The following CDC20B variants were observed in gnomAD, a reference collection of about 807,000 sequenced individuals.
CDC20B encodes the protein cell division cycle protein 20 homolog B.
In CDC20B, 58 loss-of-function variants were observed where a neutral mutation model predicts 64.1. That is an observed-to-expected ratio of 0.90 (90% CI 0.73 to 1.13). CDC20B has a LOEUF of 1.13. Ranked by LOEUF, CDC20B falls within the 50% of genes most tolerant of loss-of-function variation. CDC20B has a pLI of 0.00. For missense variants in CDC20B, 597 were observed against 633.0 expected, an observed-to-expected ratio of 0.94 and a Z score of 0.61; for synonymous variants, 243 against 230.6, an observed-to-expected ratio of 1.05 and a Z score of -0.49.
intron 2 of CDC20B, among the ~76,000 whole-genome samples, chr5:55,148,480 G>A (rs1470350693): frequency 2.0e-5 from 3 of 152,232 alleles, no homozygotes; most frequent in African/African-American, 7.2e-5. Flanking sequence ...TTGTGAGGCT[G>A]AGGCAGGCAG....
chr5:55,167,847 G>C (rs1403072131), intron 2 of CDC20B, among the ~76,000 whole-genome samples: 1 of 152,116 alleles, frequency 6.6e-6, no homozygotes, highest in African/African-American at 2.4e-5. Flanking sequence ...CTGGGCAACA[G>C]AGCGAGACCC....
At chr5:55,141,889 C>G (rs1043443218) in intron 4 of CDC20B, among the ~76,000 whole-genome samples, 5 of 152,144 alleles carry the variant, frequency 3.3e-5, no homozygotes, top group Admixed American at 2.0e-4. Context: ...ATGCTCTCCC[C>G]CTGAGTTGTA....
chr5:55,158,173 C>A (rs6894744), intron 2 of CDC20B, among the ~76,000 whole-genome samples: 24,472 of 151,966 alleles, frequency 0.16, 2,069 homozygotes, highest in East Asian at 0.25. Flanking sequence ...GGGTGGGGCC[C>A]AAAATGCTGT....
intron 2 of CDC20B, among the ~76,000 whole-genome samples, chr5:55,153,300 T>C (rs1743722882): frequency 6.7e-6 from 1 of 149,770 alleles, no homozygotes; most frequent in African/African-American, 2.5e-5. Context: ...AAATAAACAT[T>C]TCTGCAGAAA....
chr5:55,171,873 G>A (rs1244292324), intron 2 of CDC20B, among the ~76,000 whole-genome samples: 5 of 152,132 alleles, frequency 3.3e-5, no homozygotes, highest in Non-Finnish European at 5.9e-5. Context: ...CCAAAGTGCC[G>A]GGATTACAGG....
rs1742568708 is a variant in CDC20B at position 55,114,094 on chromosome 5, G to T, written c.*124C>A. On this transcript the variant is annotated 3_prime_UTR_variant, in exon 12 of 12. Transcript: ENST00000381375. The surrounding 1 kb of genome is among the most constrained non-coding windows in gnomAD (Gnocchi z 4.1). The stretch of plus-strand genomic sequence containing the variant: ...CTGCAAAAGAAGAACAGGAGAACAG[G>T]CATTCACATCAAGAAGAGTATTTCA... 1.1e-5 allele frequency: 15 copies of T among 1,406,272 alleles called. No homozygotes were observed. Among genetic ancestry groups the T allele is most frequent in the Non-Finnish European group, 1.2e-5 (13 of 1,067,564 alleles). 87.1% of individuals were successfully genotyped at this position (1,406,272 alleles called of 1,614,324 possible).
intron 6 of CDC20B, among the ~76,000 whole-genome samples, chr5:55,133,028 T>G (rs1384045598): frequency 6.6e-6 from 1 of 152,196 alleles, no homozygotes; most frequent in Non-Finnish European, 1.5e-5. Context: ...GCATATGGTA[T>G]CAGTTCCGTG....
chr5:55,133,590 T>C (rs555365615), intron 5 of CDC20B, 62 bp from the exon 6 acceptor site: 7 of 729,976 alleles, frequency 9.6e-6, no homozygotes, highest in African/African-American at 9.0e-5. Flanking sequence ...TTTATTCTTG[T>C]GGGAATTAAG....
chr5:55,129,352 A>G (rs1201285780), intron 6 of CDC20B, among the ~76,000 whole-genome samples: 1 of 152,196 alleles, frequency 6.6e-6, no homozygotes, highest in Admixed American at 6.5e-5. Context: ...TAAACTAAGT[A>G]AGGGAGTCAA....
intron 9 of CDC20B, among the ~76,000 whole-genome samples, chr5:55,122,583 T>C (rs1742785928): frequency 6.6e-6 from 1 of 152,226 alleles, no homozygotes; most frequent in Non-Finnish European, 1.5e-5. Context: ...ATGTGGGACT[T>C]GTGACTATCC....
Position 55,146,803 on chromosome 5 carries a change from C to T in CDC20B, c.180G>A (p.Lys60=), listed in dbSNP as rs1046584118. 6.2e-7 allele frequency: 1 copy of T among 1,614,150 alleles called. No individual in the cohort carries two copies. The highest frequency in any genetic ancestry group is 8.5e-7 in the Non-Finnish European group (1 of 1,180,028). Residue 60 remains lysine (K), a synonymous_variant, in exon 3 of 12, where the codon AAG becomes AAA. Coordinates refer to ENST00000381375, the MANE Select transcript of CDC20B (RefSeq NM_001170402.1). ...CAACAGGAACCTCTGCGGACAGCCT[C>T]TTCGCAAAGTTGCTCTTAAAGTCAG... is the stretch of plus-strand genomic sequence containing the variant. ...TYSDFKSNFA[K]RLSAEVPVAS...
At chr5:55,118,027 G>A (rs745455525) in intron 11 of CDC20B, among the ~76,000 whole-genome samples, 1 of 152,106 alleles carries the variant, frequency 6.6e-6, no homozygotes, top group South Asian at 2.1e-4. Context: ...GCTGAGGCAG[G>A]AGAATTGCTT....
Position 55,120,169 on chromosome 5 carries a change from G to A in CDC20B, c.1342-251C>T, listed in dbSNP as rs980618502. On this transcript the variant is annotated intron_variant, in intron 10 of 11. Transcript: ENST00000381375. Reference sequence around the variant, plus strand: ...TGTGATCATTGGCCAGGAAGAGCCAGATTACTCTCAAAGTTCATGGTCAAA... The same window carrying A: ...TGTGATCATTGGCCAGGAAGAGCCAAATTACTCTCAAAGTTCATGGTCAAA... Among the ~76,000 whole-genome samples the A allele has an allele frequency of 1.2e-4, 19 of 152,110 alleles. 1 individual carries two copies. Among genetic ancestry groups the A allele is most frequent in the Non-Finnish European group, 5.9e-5 (4 of 68,010 alleles).
At chr5:55,147,092 G>A (rs952033496) in intron 2 of CDC20B, among the ~76,000 whole-genome samples, 1 of 143,478 alleles carries the variant, frequency 7.0e-6, no homozygotes, top group Non-Finnish European at 1.5e-5. Flanking sequence ...ACATAAATAT[G>A]TTATGTTTTA....
intron 2 of CDC20B, among the ~76,000 whole-genome samples, chr5:55,148,555 A>G (rs938567702): frequency 6.6e-6 from 1 of 152,152 alleles, no homozygotes; most frequent in African/African-American, 2.4e-5. Context: ...CTCTACAAAA[A>G]ATACAAGAAT....
At chr5:55,140,248 A>G in intron 5 of CDC20B, 66 bp downstream of exon 5, 2 of 851,306 alleles carry the variant, frequency 2.3e-6, no homozygotes, top group Non-Finnish European at 3.7e-6. Context: ...TTTTAAGATT[A>G]GGAAGAAATG....
intron 3 of CDC20B, 71 bp downstream of exon 3, chr5:55,146,557 C>A: frequency 9.0e-7 from 1 of 1,110,628 alleles, no homozygotes; most frequent in Non-Finnish European, 1.4e-6. Flanking sequence ...TTCTACAAGA[C>A]AAAGATTCTC....
intron 11 of CDC20B, among the ~76,000 whole-genome samples, chr5:55,116,636 T>G (rs934325892): frequency 2.0e-5 from 3 of 152,158 alleles, no homozygotes; most frequent in South Asian, 2.1e-4. Flanking sequence ...TTTCTAGAAA[T>G]GGAGTCTCAC....
intron 6 of CDC20B, among the ~76,000 whole-genome samples, chr5:55,130,472 C>T (rs1743002508): frequency 1.3e-5 from 2 of 152,146 alleles, no homozygotes; most frequent in Admixed American, 1.3e-4. Context: ...CACCAGATAC[C>T]ATGGAGGCCA....
Sources: allele counts gnomAD v4.1 joint callset (sites outside exome capture counted in the v4.1 genomes callset), GRCh38; gene constraint gnomAD v4.1.1; non-coding constraint Gnocchi (gnomAD v3.1); transcripts MANE v1.5; gene names NCBI Gene and HGNC (gene_info 2026-07-23, HGNC 2026-07-21).